The following BACE2 variants were observed in gnomAD, a reference collection of about 807,000 sequenced individuals.
The protein encoded by BACE2 is beta-secretase 2.
BACE2 carries 17 observed loss-of-function variants against 46.2 expected under a neutral mutation model. The ratio of observed to expected loss-of-function variants is 0.37; its 90% CI spans 0.25 to 0.55. The LOEUF (loss-of-function observed/expected upper bound fraction) is 0.55. BACE2 is among the 20% of genes least tolerant of loss of function. The pLI, the probability that BACE2 is intolerant of heterozygous loss-of-function variation, is 0.82. For synonymous variants in BACE2, 277 were observed against 295.9 expected, an observed-to-expected ratio of 0.94 and a Z score of 0.66; for missense variants, 595 against 698.1, an observed-to-expected ratio of 0.85 and a Z score of 1.66.
At chr21:41,209,278 G>A (rs1986225660) in intron 1 of BACE2, among the ~76,000 whole-genome samples, 1 of 152,210 alleles carries the variant, frequency 6.6e-6, no homozygotes, top group Non-Finnish European at 1.5e-5. Flanking sequence ...GTCCATCCTT[G>A]CTGCTTCCCT....
At chr21:41,186,609 G>A (rs892323985) in intron 1 of BACE2, 3 of 152,302 alleles carry the variant, frequency 2.0e-5, no homozygotes, top group African/African-American at 7.2e-5. Context: ...GATGATGCAG[G>A]ACAGGCAAGC....
Position 41,278,693 on chromosome 21 carries a change from T to A in BACE2, c.*3069T>A, listed in dbSNP as rs1209948660. 1 of 152,236 alleles carries A rather than the reference T, an allele frequency of 6.6e-6. No individual in the cohort carries two copies. Among genetic ancestry groups the A allele is most frequent in the Non-Finnish European group, 1.5e-5 (1 of 68,034 alleles). The allele number at this position is 152,236 out of a possible 1,614,324, so 9.4% of individuals were successfully genotyped here. A position where few individuals can be genotyped will look rare whatever the true frequency, so the allele number is the denominator to read the frequency against. The stretch of plus-strand genomic sequence containing the variant: ...AAGCAATTGTGAGTTGGGGATTCCA[T>A]CATTTCATTTAAGAGGTGAAGAGGG... On this transcript the variant is annotated 3_prime_UTR_variant, in exon 9 of 9. Coordinates refer to ENST00000330333, the MANE Select transcript of BACE2 (RefSeq NM_012105.5).
intron 7 of BACE2, among the ~76,000 whole-genome samples, chr21:41,253,133 A>C (rs1379372843): frequency 6.6e-6 from 1 of 152,214 alleles, no homozygotes. Context: ...CAGCATCTTT[A>C]AATCATCTTT....
At chr21:41,168,791 G>T (rs1182372863) in intron 1 of BACE2, among the ~76,000 whole-genome samples, 2 of 152,126 alleles carry the variant, frequency 1.3e-5, no homozygotes, top group Non-Finnish European at 2.9e-5. Flanking sequence ...GCGCACTGAG[G>T]GGTGTGCGCG....
At chr21:41,249,915 G>A (rs73368304) in intron 6 of BACE2, among the ~76,000 whole-genome samples, 2,092 of 152,242 alleles carry the variant, frequency 0.014, 40 homozygotes, top group African/African-American at 0.047. Flanking sequence ...CGGTTCCCTG[G>A]TGAGAGGTAC....
chr21:41,172,966 G>C (rs115004192), intron 1 of BACE2, among the ~76,000 whole-genome samples: 2,862 of 152,258 alleles, frequency 0.019, 77 homozygotes, highest in African/African-American at 0.062. Flanking sequence ...TTGGCCGCAT[G>C]ACTCCAATCT....
intron 1 of BACE2, among the ~76,000 whole-genome samples, chr21:41,198,216 C>T (rs1985809410): frequency 6.6e-6 from 1 of 152,156 alleles, no homozygotes; most frequent in East Asian, 1.9e-4. Flanking sequence ...GTCTTGAGCT[C>T]TTGGCCTCAA....
At chr21:41,210,004 C>A (rs938378094) in intron 1 of BACE2, among the ~76,000 whole-genome samples, 2 of 152,090 alleles carry the variant, frequency 1.3e-5, no homozygotes, top group Non-Finnish European at 2.9e-5. Flanking sequence ...CCCCCTTCCC[C>A]CTAACCAACC....
intron 1 of BACE2, chr21:41,177,099 T>C (rs190519099): frequency 1.3e-5 from 2 of 152,344 alleles, no homozygotes; most frequent in East Asian, 3.9e-4. Context: ...ACAGTGGTTA[T>C]TTTTGCTAAA....
intron 8 of BACE2, among the ~76,000 whole-genome samples, chr21:41,262,667 AT>A: frequency 6.6e-6 from 1 of 152,216 alleles, no homozygotes; most frequent in East Asian, 1.9e-4. Flanking sequence ...CTTTTCATTT[AT>A]TTAGGTCTTC....
chr21:41,246,912 T>C (rs955588012), intron 6 of BACE2, among the ~76,000 whole-genome samples: 1 of 152,232 alleles, frequency 6.6e-6, no homozygotes, highest in South Asian at 2.1e-4. Context: ...TGGTGTTTAG[T>C]AGATGCTTGG....
At position 41,257,332 on chromosome 21, in the gene BACE2, C is replaced by A. The variant is rs764523351; in HGVS notation, c.1303+6C>A. ...CGCAGCGAGCCCCTGTGCAGGTGAG[C>A]GATTCTGGCATCGAACAGGGATCCC... On this transcript the variant is annotated splice_donor_region_variant and intron_variant, in intron 8 of 8. Transcript: ENST00000330333. 6.2e-7 allele frequency: 1 copy of A among 1,612,186 alleles called. No individual in the cohort carries two copies. Among genetic ancestry groups the A allele is most frequent in the Non-Finnish European group, 8.5e-7 (1 of 1,179,166 alleles).
intron 1 of BACE2, among the ~76,000 whole-genome samples, chr21:41,206,758 C>T (rs1275032515): frequency 7.2e-5 from 11 of 152,052 alleles, no homozygotes; most frequent in Non-Finnish European, 1.2e-4. Context: ...TGAACTTCAC[C>T]TTTAGAAAGA....
intron 1 of BACE2, among the ~76,000 whole-genome samples, chr21:41,188,061 T>G (rs1985440085): frequency 6.6e-6 from 1 of 152,244 alleles, no homozygotes; most frequent in South Asian, 2.1e-4. Context: ...TACGTACATT[T>G]TGGTTTAACC....
rs1985627216 is a variant in BACE2 at position 41,193,025 on chromosome 21, T to A, written c.312+24450T>A. ...TATTTCCCATCTCCTGGCACATAAA[T>A]GTCTCACCAATAAGTCCAGTGTGTT... On this transcript the variant is annotated intron_variant, in intron 1 of 8. Transcript: ENST00000330333. The surrounding 1 kb of genome is among the most constrained non-coding windows in gnomAD (Gnocchi z 4.2). 6.6e-6 allele frequency among the ~76,000 whole-genome samples: 1 copy of A among 152,234 alleles called. No homozygotes were observed. Among genetic ancestry groups the A allele is most frequent in the Non-Finnish European group, 1.5e-5 (1 of 68,040 alleles).
At chr21:41,256,589 C>T (rs1455590350) in intron 7 of BACE2, among the ~76,000 whole-genome samples, 1 of 152,150 alleles carries the variant, frequency 6.6e-6, no homozygotes, top group African/African-American at 2.4e-5. Flanking sequence ...TCCATTGATC[C>T]CAGGTTAGAT....
Position 41,189,095 on chromosome 21 carries a change from C to T in BACE2, c.312+20520C>T, listed in dbSNP as rs149421865. 9.9e-5 allele frequency among the ~76,000 whole-genome samples: 15 copies of T among 152,160 alleles called. No homozygotes were observed. The East Asian group carries it at 2.5e-3, about 25-fold the overall frequency. On this transcript the variant is annotated intron_variant, in intron 1 of 8. Coordinates refer to ENST00000330333, the MANE Select transcript of BACE2 (RefSeq NM_012105.5). ...TCTGATGCAATTGTAATTCCTGATT[C>T]ACTGTATATGAACTGTTTTCTTTCC...
At chr21:41,204,874 G>A (rs897736032) in intron 1 of BACE2, among the ~76,000 whole-genome samples, 1 of 152,102 alleles carries the variant, frequency 6.6e-6, no homozygotes, top group Non-Finnish European at 1.5e-5. Context: ...CCCTTGGAAG[G>A]GCTTTAAGAA....
intron 1 of BACE2, among the ~76,000 whole-genome samples, chr21:41,215,684 G>A (rs1307585003): frequency 6.6e-6 from 1 of 152,194 alleles, no homozygotes; most frequent in Non-Finnish European, 1.5e-5. Context: ...AACAGGGGCG[G>A]GGACGTCGGG....
Sources: gnomAD v4.1 joint callset for allele counts (sites outside exome capture counted in the v4.1 genomes callset) on GRCh38, gnomAD v4.1.1 for gene constraint, Gnocchi (gnomAD v3.1) non-coding constraint, MANE v1.5 for transcripts, NCBI Gene and HGNC (gene_info 2026-07-23, HGNC 2026-07-21) for gene names.